Variants in GNA12 observed in about 807,000 individuals in gnomAD.
The protein encoded by GNA12 is guanine nucleotide-binding protein subunit alpha-12.
GNA12 carries 9 observed loss-of-function variants against 26.0 expected under a neutral mutation model. That is an observed-to-expected ratio of 0.35 (90% confidence interval 0.21 to 0.60). The LOEUF (loss-of-function observed/expected upper bound fraction) is 0.60. Ranked by LOEUF, GNA12 falls within the 20% of genes least tolerant of loss-of-function variation. The probability of loss-of-function intolerance (pLI) is 0.78; values close to 1 mark genes in which losing one functional copy is unlikely to be tolerated. For missense variants in GNA12, 405 were observed against 525.8 expected (o/e 0.77, Z 2.25); for synonymous variants, 264 against 219.6 (o/e 1.20, Z -1.79).
At chr7:2,783,437 G>A (rs1219949435) in intron 2 of GNA12, among the ~76,000 whole-genome samples, 7 of 151,910 alleles carry the variant, frequency 4.6e-5, no homozygotes, top group South Asian at 2.1e-4. Flanking sequence ...CTCTTTGTGC[G>A]TATCCTTTCC....
At chr7:2,762,338 G>T in intron 2 of GNA12, 1 of 363,794 alleles carries the variant, frequency 2.7e-6, no homozygotes, top group Non-Finnish European at 4.9e-6. Flanking sequence ...GACTGCTGCT[G>T]GACACACACG....
chr7:2,812,679 ATCACATCACATCACATCAG>A (rs1181450985), intron 1 of GNA12, among the ~76,000 whole-genome samples: 10 of 123,846 alleles, frequency 8.1e-5, no homozygotes, highest in Non-Finnish European at 1.3e-4. Flanking sequence ...ATCACATCAC[ATCACATCACATCACATCAG>A]GGGCTTTGTG....
chr7:2,838,968 A>G (rs906110066), intron 1 of GNA12, among the ~76,000 whole-genome samples: 1 of 152,212 alleles, frequency 6.6e-6, no homozygotes, highest in Non-Finnish European at 1.5e-5. Context: ...TGACAGAACT[A>G]CTGAACAATC....
At chr7:2,790,099 G>T (rs1583284120) in intron 2 of GNA12, among the ~76,000 whole-genome samples, 2 of 152,138 alleles carry the variant, frequency 1.3e-5, no homozygotes, top group East Asian at 3.8e-4. Context: ...CCCTGCCTGT[G>T]TCTGCTCCCT....
chr7:2,789,799 A>G (rs1187899741), intron 2 of GNA12, among the ~76,000 whole-genome samples: 1 of 152,158 alleles, frequency 6.6e-6, no homozygotes, highest in Non-Finnish European at 1.5e-5. Context: ...GTGAGGCCTC[A>G]TTCTGCTGCC....
At chr7:2,789,109 C>T (rs2533890) in intron 2 of GNA12, among the ~76,000 whole-genome samples, 68,540 of 147,824 alleles carry the variant, frequency 0.46, 16,584 homozygotes, top group Non-Finnish European at 0.54. Context: ...CGTGAGCCAC[C>T]GTGCCCGGAC....
intron 2 of GNA12, among the ~76,000 whole-genome samples, chr7:2,744,406 C>T (rs992787092): frequency 2.0e-5 from 3 of 152,206 alleles, no homozygotes; most frequent in African/African-American, 7.2e-5. Context: ...CCCAAGCAAA[C>T]AGGGTCTGGA....
intron 1 of GNA12, among the ~76,000 whole-genome samples, chr7:2,828,617 G>A (rs1793535523): frequency 6.6e-6 from 1 of 152,220 alleles, no homozygotes; most frequent in Non-Finnish European, 1.5e-5. Context: ...TCTAGCTCCT[G>A]TTACCTTAGG....
rs12540539 is a variant in GNA12 at position 2,833,660 on chromosome 7, C to G, written c.309+10193G>C. Among the ~76,000 whole-genome samples, 9 of 152,144 alleles carry G rather than the reference C, an allele frequency of 5.9e-5. No homozygotes were observed. The South Asian group carries it at 1.2e-3, about 21-fold the overall frequency. On this transcript the variant is annotated intron_variant, in intron 1 of 3. Transcript: ENST00000275364. ...TGTTTTGTTTGGTTTTTTGGTATTA[C>G]GAAAGGACCAACCCCGTATGTCAAA...
chr7:2,829,271 C>T (rs1258002175), intron 1 of GNA12, among the ~76,000 whole-genome samples: 2 of 152,124 alleles, frequency 1.3e-5, no homozygotes, highest in African/African-American at 4.8e-5. Flanking sequence ...TTGGGAAATC[C>T]TCCACCCATA....
chr7:2,798,121 G>A (rs1319211492), intron 1 of GNA12, among the ~76,000 whole-genome samples: 1 of 151,988 alleles, frequency 6.6e-6, no homozygotes, highest in African/African-American at 2.4e-5. Flanking sequence ...TATTCAACAT[G>A]GTTCTGGAAG....
At chr7:2,811,683 C>T (rs1349827713) in intron 1 of GNA12, among the ~76,000 whole-genome samples, 4 of 152,212 alleles carry the variant, frequency 2.6e-5, no homozygotes, top group Non-Finnish European at 5.9e-5. Flanking sequence ...TCTGGTTAAA[C>T]CCTAGCCGCC....
chr7:2,740,291 G>A lies in GNA12; in HGVS notation c.526-6790C>T, dbSNP rs1322023343. Among the ~76,000 whole-genome samples, 4 of 152,250 alleles carry A rather than the reference G, an allele frequency of 2.6e-5. No individual in the cohort carries two copies. The South Asian group carries it at 8.3e-4, about 32-fold the overall frequency. ...GTGGAAGCCCTACCTGCAGTGTGATGGTATTTGGAGATGGGGACTTTGGGA... is the reference window on the plus strand; with the variant it reads ...GTGGAAGCCCTACCTGCAGTGTGATAGTATTTGGAGATGGGGACTTTGGGA... On this transcript the variant is annotated intron_variant, in intron 2 of 3. Coordinates refer to ENST00000275364, the MANE Select transcript of GNA12 (RefSeq NM_007353.3).
intron 1 of GNA12, among the ~76,000 whole-genome samples, chr7:2,825,853 C>T (rs563563257): frequency 1.8e-4 from 27 of 151,762 alleles, no homozygotes; most frequent in African/African-American, 6.1e-4. Flanking sequence ...GCGTTCATCC[C>T]AGCATTCCCA....
intron 1 of GNA12, among the ~76,000 whole-genome samples, chr7:2,817,324 T>C (rs985807157): frequency 6.6e-6 from 1 of 152,194 alleles, no homozygotes; most frequent in Non-Finnish European, 1.5e-5. Flanking sequence ...CAGGCTGGTC[T>C]CGAACTCCTG....
At position 2,740,371 on chromosome 7, in the gene GNA12, G is replaced by A. The variant is rs147976901; in HGVS notation, c.526-6870C>T. ...GATAGTGCCTTCATAAGAAGAGACCGGAGAGCTCTCCCTCTCACTCCGTCC... is the reference window on the plus strand; with the variant it reads ...GATAGTGCCTTCATAAGAAGAGACCAGAGAGCTCTCCCTCTCACTCCGTCC... On this transcript the variant is annotated intron_variant, in intron 2 of 3. Transcript: ENST00000275364. Among the ~76,000 whole-genome samples, 974 of 152,228 alleles carry A rather than the reference G, an allele frequency of 6.4e-3. 14 individuals are homozygous for A. The highest frequency in any genetic ancestry group is 0.022 in the African/African-American group (919 of 41,530).
At chr7:2,744,683 A>T (rs1251545025) in intron 2 of GNA12, among the ~76,000 whole-genome samples, 2 of 152,210 alleles carry the variant, frequency 1.3e-5, no homozygotes, top group African/African-American at 2.4e-5. Context: ...GACTTTGACG[A>T]GTTGAGAAAA....
At chr7:2,762,204 T>C (rs554059462) in intron 2 of GNA12, 38 of 169,808 alleles carry the variant, frequency 2.2e-4, no homozygotes, top group Middle Eastern at 2.5e-3. Flanking sequence ...GCTTCGTTTC[T>C]AGGAGAAGTT....
At chr7:2,821,172 T>C (rs1793361584) in intron 1 of GNA12, among the ~76,000 whole-genome samples, 1 of 152,238 alleles carries the variant, frequency 6.6e-6, no homozygotes, top group South Asian at 2.1e-4. Flanking sequence ...GCTTAAGAAT[T>C]TTTGTGATGA....
Sources: gnomAD v4.1 joint callset for allele counts (sites outside exome capture counted in the v4.1 genomes callset) on GRCh38, gnomAD v4.1.1 for gene constraint, MANE v1.5 for transcripts, NCBI Gene and HGNC (gene_info 2026-07-23, HGNC 2026-07-21) for gene names.